The following PTCSC3 variants were observed in gnomAD, a reference collection of about 807,000 sequenced individuals.
The protein encoded by PTCSC3 is papillary thyroid carcinoma susceptibility candidate 3, also known as papillary thyroid carcinoma susceptibility candidate 3 (non-protein coding).
At chr14:36,175,958 T>A (rs993700778) in intron 1 of PTCSC3, among the ~76,000 whole-genome samples, 3 of 152,112 alleles carry the variant, frequency 2.0e-5, no homozygotes, top group African/African-American at 7.2e-5. Flanking sequence ...TTCCCATAAG[T>A]GTATTAAATT....
intron 1 of PTCSC3, among the ~76,000 whole-genome samples, chr14:36,175,744 G>T (rs1049881800): frequency 3.3e-5 from 5 of 152,154 alleles, no homozygotes; most frequent in Admixed American, 3.3e-4. Context: ...TTGTCTTTGG[G>T]ATCACTGGAG....
chr14:36,147,563 C>A (rs191947537), intron 3 of PTCSC3, among the ~76,000 whole-genome samples: 3 of 152,028 alleles, frequency 2.0e-5, no homozygotes, highest in African/African-American at 7.2e-5. Context: ...ATACATTCTT[C>A]TAAATTTTTT....
At chr14:36,162,273 A>ACAAAAAAAC (rs1566509675) in intron 2 of PTCSC3, among the ~76,000 whole-genome samples, 3 of 148,020 alleles carry the variant, frequency 2.0e-5, no homozygotes, top group Non-Finnish European at 4.6e-5. Context: ...AAAAAAAAAA[A>ACAAAAAAAC]AAAAAAAAAA....
At chr14:36,161,153 T>C (rs757066514) in intron 2 of PTCSC3, among the ~76,000 whole-genome samples, 1 of 152,196 alleles carries the variant, frequency 6.6e-6, no homozygotes, top group Non-Finnish European at 1.5e-5. Context: ...CTTCCTTGCA[T>C]TGGGTTAGAA....
chr14:36,143,880 T>C (rs1312497537), intron 3 of PTCSC3, among the ~76,000 whole-genome samples: 1 of 150,082 alleles, frequency 6.7e-6, no homozygotes, highest in East Asian at 2.0e-4. Flanking sequence ...TACATATGGC[T>C]AGCCAGTTTT....
At chr14:36,152,820 G>C (rs1271391087) in intron 3 of PTCSC3, among the ~76,000 whole-genome samples, 2 of 151,492 alleles carry the variant, frequency 1.3e-5, no homozygotes, top group Admixed American at 1.3e-4. Flanking sequence ...CTTGAACCCA[G>C]GAGGTGGAGG....
intron 3 of PTCSC3, among the ~76,000 whole-genome samples, chr14:36,146,680 T>C (rs1881578881): frequency 6.6e-6 from 1 of 152,236 alleles, no homozygotes; most frequent in South Asian, 2.1e-4. Context: ...TTAATATTGT[T>C]ATGTGTGAAT....
chr14:36,162,258 G>GAAAAAAAAAAAAAAAAAA (rs58223160), intron 2 of PTCSC3, among the ~76,000 whole-genome samples: 2 of 106,554 alleles, frequency 1.9e-5, no homozygotes, highest in African/African-American at 9.6e-5. Flanking sequence ...CTGGGGTATG[G>GAAAAAAAAAAAAAAAAAA]AAAAAAAAAA....
At chr14:36,141,940 T>G (rs1304882483) in intron 3 of PTCSC3, among the ~76,000 whole-genome samples, 1 of 152,226 alleles carries the variant, frequency 6.6e-6, no homozygotes, top group African/African-American at 2.4e-5. Flanking sequence ...GGAATTTTTT[T>G]TCCACATAGA....
rs1882122187 is a variant in PTCSC3 at position 36,167,959 on chromosome 14, AT to A, written n.172-5277del. 2.0e-5 allele frequency among the ~76,000 whole-genome samples: 3 copies of A among 152,078 alleles called. No homozygotes were observed. In the East Asian group the frequency reaches 5.8e-4, roughly 29 times the overall value. ...CCATTTTATAATGTACCTTAGAAAA[AT>A]TTCATGCTTTCTCACAAAAAGACAC... On this transcript the variant is annotated intron_variant and non_coding_transcript_variant, in intron 1 of 3. Coordinates refer to ENST00000556013, the Ensembl canonical transcript of PTCSC3.
chr14:36,145,143 T>C (rs1370668259), intron 3 of PTCSC3, among the ~76,000 whole-genome samples: 5 of 139,504 alleles, frequency 3.6e-5, no homozygotes, highest in Non-Finnish European at 3.1e-5. Flanking sequence ...TGTCTCTGCC[T>C]GGCTTTGGTA....
In PTCSC3 at chr14:36,150,730, A is replaced by G. The variant is rs576131815; in HGVS notation, n.322+3074T>C. On this transcript the variant is annotated intron_variant and non_coding_transcript_variant, in intron 3 of 3. Coordinates refer to ENST00000556013, the Ensembl canonical transcript of PTCSC3. ...CCTTGACCTAGAGTTTTCAATATAT[A>G]TTTACAAATAATCTAAGTTCACTAT... Among the ~76,000 whole-genome samples the G allele has an allele frequency of 6.6e-5, 10 of 152,288 alleles. No homozygotes were observed. The South Asian group carries it at 1.9e-3, about 28-fold the overall frequency.
At chr14:36,143,967 G>T (rs1377419094) in intron 3 of PTCSC3, among the ~76,000 whole-genome samples, 1 of 152,110 alleles carries the variant, frequency 6.6e-6, no homozygotes, top group Non-Finnish European at 1.5e-5. Flanking sequence ...TCAGATAGTT[G>T]TAGTTATGTG....
chr14:36,148,265 G>A (rs556040030), intron 3 of PTCSC3, among the ~76,000 whole-genome samples: 76 of 152,186 alleles, frequency 5.0e-4, no homozygotes, highest in South Asian at 1.5e-3. Context: ...CCCCAGCCTC[G>A]CTGCCGCCTT....
At chr14:36,152,975 A>T (rs533026956) in intron 3 of PTCSC3, among the ~76,000 whole-genome samples, 6 of 152,316 alleles carry the variant, frequency 3.9e-5, no homozygotes, top group African/African-American at 1.2e-4. Flanking sequence ...AAAAGAGGAC[A>T]GCTGTTTCAG....
At chr14:36,149,532 C>A (rs1881674024) in intron 3 of PTCSC3, among the ~76,000 whole-genome samples, 1 of 152,192 alleles carries the variant, frequency 6.6e-6, no homozygotes, top group Non-Finnish European at 1.5e-5. Flanking sequence ...TATATTCTTA[C>A]ACTGATTTTC....
At chr14:36,163,846 C>T (rs1230235284) in intron 1 of PTCSC3, among the ~76,000 whole-genome samples, 3 of 152,228 alleles carry the variant, frequency 2.0e-5, no homozygotes, top group African/African-American at 7.2e-5. Context: ...CAAAAATAAT[C>T]CCAGGAGGTA....
At chr14:36,142,782 T>C (rs1881455655) in intron 3 of PTCSC3, among the ~76,000 whole-genome samples, 1 of 150,298 alleles carries the variant, frequency 6.7e-6, no homozygotes, top group Non-Finnish European at 1.5e-5. Flanking sequence ...GCATTAGGTA[T>C]ATCTCCCAAT....
intron 3 of PTCSC3, among the ~76,000 whole-genome samples, chr14:36,137,262 A>G (rs12897066): frequency 0.61 from 86,746 of 142,598 alleles, 25,475 homozygotes; most frequent in Non-Finnish European, 0.67. Flanking sequence ...TTTTAGGTAC[A>G]ACAACGAGGC....
Sources: gnomAD v4.1 joint callset for allele counts (sites outside exome capture counted in the v4.1 genomes callset) on GRCh38, gnomAD v4.1.1 for gene constraint, MANE v1.5 for transcripts, NCBI Gene and HGNC (gene_info 2026-07-23, HGNC 2026-07-21) for gene names.